Variants in SPIN1 observed in about 807,000 individuals in gnomAD.
SPIN1 encodes the protein spindlin-1.
A neutral mutation model predicts 26.0 loss-of-function variants in SPIN1; 3 were observed. The ratio of observed to expected loss-of-function variants is 0.12; its 90% CI spans 0.05 to 0.30. The LOEUF (loss-of-function observed/expected upper bound fraction) is 0.30, where lower values mean the gene tolerates loss of function less well. Among genes scored for constraint, SPIN1 ranks in the 10% least tolerant of loss-of-function variants. The pLI is 1.00. For synonymous variants in SPIN1, 101 were observed against 116.5 expected (o/e 0.87, Z 0.86); for missense variants, 126 against 333.4 (o/e 0.38, Z 4.84).
intron 1 of SPIN1, among the ~76,000 whole-genome samples, chr9:88,396,806 C>G (rs898580291): frequency 2.0e-5 from 3 of 152,062 alleles, no homozygotes; most frequent in Admixed American, 2.0e-4. Flanking sequence ...GGCACCTAGG[C>G]TATGTAATAT....
At chr9:88,430,157 C>T (rs1827839326) in intron 2 of SPIN1, among the ~76,000 whole-genome samples, 1 of 152,190 alleles carries the variant, frequency 6.6e-6, no homozygotes, top group Admixed American at 6.5e-5. Flanking sequence ...TCTCAGGCAG[C>T]AAGAAGCCCA....
chr9:88,403,450 T>C (rs1827230796), intron 1 of SPIN1, among the ~76,000 whole-genome samples: 3 of 152,208 alleles, frequency 2.0e-5, no homozygotes, highest in African/African-American at 7.2e-5. Context: ...TTAAAATCAC[T>C]GTAATCCCAG....
At chr9:88,403,930 G>A (rs149415480) in intron 1 of SPIN1, among the ~76,000 whole-genome samples, 9 of 152,222 alleles carry the variant, frequency 5.9e-5, no homozygotes, top group African/African-American at 1.4e-4. Context: ...TGAGAACTGC[G>A]TTGTTAGGTG....
intron 2 of SPIN1, among the ~76,000 whole-genome samples, chr9:88,439,256 G>T (rs1384534755): frequency 6.6e-6 from 1 of 152,102 alleles, no homozygotes; most frequent in Non-Finnish European, 1.5e-5. Context: ...GAACTTATGT[G>T]TGAATTCGTG....
intron 1 of SPIN1, among the ~76,000 whole-genome samples, chr9:88,402,347 C>T (rs1801824631): frequency 6.6e-6 from 1 of 152,076 alleles, no homozygotes; most frequent in Non-Finnish European, 1.5e-5. Context: ...CTTTTAGCTA[C>T]TTTGAGATAT....
At chr9:88,419,523 A>C (rs1437930355) in intron 1 of SPIN1, among the ~76,000 whole-genome samples, 1 of 152,068 alleles carries the variant, frequency 6.6e-6, no homozygotes. Flanking sequence ...AAAAAAAGAA[A>C]ATTTTGTATT....
chr9:88,389,933 T>A (rs985740411), intron 1 of SPIN1, among the ~76,000 whole-genome samples: 6 of 151,770 alleles, frequency 4.0e-5, no homozygotes, highest in Non-Finnish European at 7.4e-5. Context: ...CTCTCCCCCC[T>A]CAGCTTTAGT....
intron 5 of SPIN1, among the ~76,000 whole-genome samples, chr9:88,471,063 CT>C (rs1015756544): frequency 1.3e-5 from 2 of 152,110 alleles, no homozygotes; most frequent in Admixed American, 6.5e-5. Context: ...GCTGTTTTTA[CT>C]TTCTTGATGA....
At chr9:88,432,307 A>G (rs772400291) in intron 2 of SPIN1, among the ~76,000 whole-genome samples, 3 of 151,118 alleles carry the variant, frequency 2.0e-5, no homozygotes, top group Admixed American at 6.6e-5. Flanking sequence ...GTCCTGTCTC[A>G]GCCTCCCAAG....
chr9:88,395,162 AAAAAT>A (rs1827027114), intron 1 of SPIN1, among the ~76,000 whole-genome samples: 1 of 152,026 alleles, frequency 6.6e-6, no homozygotes, highest in African/African-American at 2.4e-5. Context: ...TATGTAGTTA[AAAAAT>A]CTGATCTGTG....
At chr9:88,417,809 C>T (rs546824190) in intron 1 of SPIN1, among the ~76,000 whole-genome samples, 1 of 152,162 alleles carries the variant, frequency 6.6e-6, no homozygotes, top group South Asian at 2.1e-4. Context: ...GACACACTAG[C>T]TATAAATTGG....
In SPIN1 at chr9:88,475,870, A is replaced by G. The variant is rs1828881083; in HGVS notation, c.*593A>G. The stretch of plus-strand genomic sequence containing the variant: ...ATGATATCACTGCTCTTTATTTAAA[A>G]GTAAACTTTGGGCACAGGAACCATA... On this transcript the variant is annotated 3_prime_UTR_variant, in exon 6 of 6. Coordinates refer to ENST00000375859, the MANE Select transcript of SPIN1 (RefSeq NM_006717.3). 6.6e-6 allele frequency: 1 copy of G among 152,130 alleles called. No homozygotes were observed. The allele number at this position is 152,130 out of a possible 1,614,324, so 9.4% of individuals were successfully genotyped here.
In SPIN1 at chr9:88,401,252, C is replaced by T. The variant is rs528650974; in HGVS notation, c.-159+12714C>T. Among the ~76,000 whole-genome samples the T allele has an allele frequency of 3.3e-5, 5 of 151,986 alleles. No individual in the cohort carries two copies. The South Asian group carries it at 8.3e-4, about 25-fold the overall frequency. On this transcript the variant is annotated intron_variant, in intron 1 of 5. Transcript: ENST00000375859. ...TTTTCATTATATCAGTGTTTGTGAT[C>T]GAGAAAAATTAGAAACAACTGTCCA...
At chr9:88,429,394 T>C (rs1337955126) in intron 2 of SPIN1, among the ~76,000 whole-genome samples, 1 of 152,184 alleles carries the variant, frequency 6.6e-6, no homozygotes, top group East Asian at 1.9e-4. Context: ...TTCAGATGCA[T>C]ATCTGGGCCT....
chr9:88,473,664 C>T (rs1038504872), intron 5 of SPIN1, among the ~76,000 whole-genome samples: 7 of 105,508 alleles, frequency 6.6e-5, no homozygotes, highest in African/African-American at 3.2e-4. Flanking sequence ...TGTGTGTGCA[C>T]GCGCTATGGA....
At chr9:88,438,925 AAGAG>A (rs1828062542) in intron 2 of SPIN1, among the ~76,000 whole-genome samples, 1 of 152,198 alleles carries the variant, frequency 6.6e-6, no homozygotes, top group Non-Finnish European at 1.5e-5. Context: ...TATATGATCG[AAGAG>A]AGACTTTTAA....
At chr9:88,444,504 A>G (rs1828204036) in intron 2 of SPIN1, among the ~76,000 whole-genome samples, 1 of 151,600 alleles carries the variant, frequency 6.6e-6, no homozygotes, top group African/African-American at 2.4e-5. Flanking sequence ...CAGCCTCCCA[A>G]AGTGCTGGGA....
intron 1 of SPIN1, among the ~76,000 whole-genome samples, chr9:88,398,648 T>C (rs1188289968): frequency 2.6e-5 from 4 of 152,120 alleles, no homozygotes; most frequent in South Asian, 2.1e-4. Context: ...CGATGTTGGC[T>C]CATCGCAACC....
At chr9:88,456,726 C>T (rs147302380) in intron 3 of SPIN1, among the ~76,000 whole-genome samples, 1 of 152,084 alleles carries the variant, frequency 6.6e-6, no homozygotes, top group African/African-American at 2.4e-5. Flanking sequence ...TCTACAAATA[C>T]GAACACCAAG....
Sources: allele counts gnomAD v4.1 joint callset (sites outside exome capture counted in the v4.1 genomes callset), GRCh38; gene constraint gnomAD v4.1.1; transcripts MANE v1.5; gene names NCBI Gene and HGNC (gene_info 2026-07-23, HGNC 2026-07-21).